NRP2: variants seen among roughly 807,000 people sequenced by gnomAD.
NRP2 encodes neuropilin 2.
A neutral mutation model predicts 110.4 loss-of-function variants in NRP2; 52 were observed. That is an observed-to-expected ratio of 0.47 (90% CI 0.38 to 0.59). The LOEUF (loss-of-function observed/expected upper bound fraction) is 0.59. Among genes scored for constraint, NRP2 ranks in the 20% least tolerant of loss-of-function variants. The probability of loss-of-function intolerance (pLI) is 0.00; values close to 1 mark genes in which losing one functional copy is unlikely to be tolerated. For missense variants in NRP2, 1,049 were observed against 1,203.0 expected (o/e 0.87, Z 1.89); for synonymous variants, 508 against 468.9 (o/e 1.08, Z -1.08).
rs551204767 is a variant in NRP2, at chr2:205,767,041, A to G, written c.2425+238A>G. 1.4e-5 allele frequency: 8 copies of G among 589,688 alleles called. No homozygotes were observed. In the Admixed American group the frequency reaches 2.1e-4, roughly 15 times the overall value. The allele number at this position is 589,688 out of a possible 1,614,324, so 36.5% of individuals were successfully genotyped here. A position where few individuals can be genotyped will look rare whatever the true frequency, so the allele number is the denominator to read the frequency against. On this transcript the variant is annotated intron_variant, in intron 15 of 16. Coordinates refer to ENST00000357785, the MANE Select transcript of NRP2 (RefSeq NM_003872.3). Reference sequence around the variant, plus strand: ...GTTTAGAAACCTATTAATAGAGACAAATAGGTTACAGATAAACCTTTCAGC... The same window carrying G: ...GTTTAGAAACCTATTAATAGAGACAGATAGGTTACAGATAAACCTTTCAGC...
intron 15 of NRP2, 78 bp from the exon 16 acceptor site, chr2:205,792,157 G>A (rs746062329): frequency 4.6e-5 from 44 of 949,702 alleles, no homozygotes; most frequent in Middle Eastern, 4.3e-4. Context: ...AGTCATTCTC[G>A]TAAAGATTGC....
chr2:205,746,159 A>C (rs1170150224), intron 10 of NRP2, among the ~76,000 whole-genome samples: 1 of 151,874 alleles, frequency 6.6e-6, no homozygotes, highest in Non-Finnish European at 1.5e-5. Flanking sequence ...ACCACACACC[A>C]CCCACCCAAA....
intron 7 of NRP2, chr2:205,740,000 G>GTAGAT: frequency 4.0e-6 from 1 of 249,310 alleles, no homozygotes; most frequent in South Asian, 5.1e-5. Flanking sequence ...GGTAGAGGGT[G>GTAGAT]CCCCTCATCA....
intron 12 of NRP2, among the ~76,000 whole-genome samples, chr2:205,756,273 C>T (rs2057733415): frequency 6.6e-6 from 1 of 152,118 alleles, no homozygotes; most frequent in African/African-American, 2.4e-5. Context: ...TCAGTGTTCT[C>T]TAAGAGGCCA....
At chr2:205,746,044 G>A (rs1004492517) in intron 10 of NRP2, among the ~76,000 whole-genome samples, 154 bp downstream of exon 10, 1 of 152,220 alleles carries the variant, frequency 6.6e-6, no homozygotes, top group African/African-American at 2.4e-5. Context: ...CAGACCACGG[G>A]TACTGCAGCC....
chr2:205,684,615 A>G (rs79520620), intron 1 of NRP2, among the ~76,000 whole-genome samples: 6,894 of 152,056 alleles, frequency 0.045, 207 homozygotes, highest in Middle Eastern at 0.12. Context: ...TTGAGGGGGG[A>G]AGAAAATTCA....
intron 1 of NRP2, among the ~76,000 whole-genome samples, chr2:205,684,499 C>T (rs1186101395): frequency 6.6e-6 from 1 of 152,176 alleles, no homozygotes; most frequent in Non-Finnish European, 1.5e-5. Flanking sequence ...CTTGGCATCC[C>T]CAGAACATCA....
At chr2:205,721,140 A>T (rs1174760141) in intron 3 of NRP2, among the ~76,000 whole-genome samples, 1 of 152,210 alleles carries the variant, frequency 6.6e-6, no homozygotes, top group Non-Finnish European at 1.5e-5. Flanking sequence ...TCATCAATAA[A>T]GAGACTCAAT....
At position 205,752,680 on chromosome 2, in the gene NRP2, C is replaced by T. The variant is rs143519588; in HGVS notation, c.1904-155C>T. ...GACCAAAGCCTGACCCGAAAGCCAG[C>T]GATCGCCAAGATGAGTTAAATGAAT... On this transcript the variant is annotated intron_variant, in intron 11 of 16. Transcript: ENST00000357785. 2.2e-4 allele frequency: 167 copies of T among 775,342 alleles called. 3 individuals are homozygous for T. The South Asian group carries it at 2.2e-3, about 10-fold the overall frequency. 48.0% of individuals were successfully genotyped at this position (775,342 alleles called of 1,614,324 possible).
At chr2:205,769,672 C>CT (rs1464127906) in intron 15 of NRP2, among the ~76,000 whole-genome samples, 2 of 152,034 alleles carry the variant, frequency 1.3e-5, no homozygotes, top group Non-Finnish European at 2.9e-5. Context: ...TAAAAAGACC[C>CT]TTTTTTGTGG....
intron 2 of NRP2, among the ~76,000 whole-genome samples, chr2:205,706,245 T>C (rs1241518755): frequency 6.8e-6 from 1 of 147,866 alleles, no homozygotes; most frequent in Non-Finnish European, 1.5e-5. Context: ...TGAACCAGAG[T>C]CTTGGAGGGT....
At chr2:205,699,816 G>A (rs1207058613) in intron 2 of NRP2, among the ~76,000 whole-genome samples, 2 of 152,072 alleles carry the variant, frequency 1.3e-5, no homozygotes, top group African/African-American at 4.8e-5. Flanking sequence ...TGTCTGGTTT[G>A]AACCTAAAAA....
At chr2:205,735,030 T>G (rs2057317563) in intron 7 of NRP2, among the ~76,000 whole-genome samples, 1 of 152,098 alleles carries the variant, frequency 6.6e-6, no homozygotes, top group African/African-American at 2.4e-5. Flanking sequence ...GAGACTGTTT[T>G]TGTACCCCAA....
At chr2:205,706,745 G>A (rs928730235) in intron 2 of NRP2, among the ~76,000 whole-genome samples, 1 of 152,162 alleles carries the variant, frequency 6.6e-6, no homozygotes, top group Non-Finnish European at 1.5e-5. Flanking sequence ...AGGCTGCTGG[G>A]TTAAATGGTG....
At chr2:205,733,512 G>A (rs1052200177) in intron 7 of NRP2, among the ~76,000 whole-genome samples, 3 of 152,050 alleles carry the variant, frequency 2.0e-5, no homozygotes, top group Non-Finnish European at 2.9e-5. Flanking sequence ...TCCCTGCTCC[G>A]GTTTGCAGAG....
intron 1 of NRP2, among the ~76,000 whole-genome samples, chr2:205,685,017 G>C (rs182877559): frequency 2.6e-5 from 4 of 152,128 alleles, no homozygotes; most frequent in Non-Finnish European, 5.9e-5. Flanking sequence ...GTGCTGTGCG[G>C]AGCGGGAGGG....
chr2:205,708,439 G>A (rs539260319), intron 2 of NRP2, among the ~76,000 whole-genome samples: 1 of 152,340 alleles, frequency 6.6e-6, no homozygotes, highest in Admixed American at 6.5e-5. Flanking sequence ...AAGGACCAGT[G>A]CAGAAGTTGG....
intron 15 of NRP2, 140 bp downstream of exon 15, chr2:205,766,943 G>A (rs2105926125): frequency 5.4e-6 from 4 of 738,564 alleles, no homozygotes; most frequent in East Asian, 2.6e-5. Context: ...CCTTCCTGCC[G>A]CTAGATGGCA....
chr2:205,757,323 A>G (rs1309835397), intron 12 of NRP2, among the ~76,000 whole-genome samples: 2 of 152,276 alleles, frequency 1.3e-5, no homozygotes, highest in East Asian at 1.9e-4. Context: ...TATTCCTTCA[A>G]ATGTAAGAAG....
Sources: gnomAD v4.1 joint callset for allele counts (sites outside exome capture counted in the v4.1 genomes callset) on GRCh38, gnomAD v4.1.1 for gene constraint, MANE v1.5 for transcripts, NCBI Gene and HGNC (gene_info 2026-07-23, HGNC 2026-07-21) for gene names.